The following SOX6 variants were observed in gnomAD, a reference collection of about 807,000 sequenced individuals.
The protein encoded by SOX6 is SRY-box transcription factor 6.
A neutral mutation model predicts 97.8 loss-of-function variants in SOX6; 11 were observed. The observed-to-expected ratio is 0.11, with a 90% CI of 0.07 to 0.19. The LOEUF (loss-of-function observed/expected upper bound fraction) is 0.19, where lower values mean the gene tolerates loss of function less well. Among genes scored for constraint, SOX6 ranks in the 10% least tolerant of loss-of-function variants. The pLI is 1.00. For missense variants in SOX6, 810 were observed against 1,039.5 expected, an observed-to-expected ratio of 0.78 and a Z score of 3.04; for synonymous variants, 360 against 371.4, an observed-to-expected ratio of 0.97 and a Z score of 0.35.
In SOX6 at chr11:16,143,829, C is replaced by A. The variant is rs532857416; in HGVS notation, c.778-31906G>T. The stretch of plus-strand genomic sequence containing the variant: ...ATCCTAAATACATATGCACCCAATA[C>A]AGGAGCACCCAGATTCATAAAGCAA... On this transcript the variant is annotated intron_variant, in intron 6 of 15. Coordinates refer to ENST00000683767, the MANE Select transcript of SOX6 (RefSeq NM_001367873.1). 1.2e-4 allele frequency among the ~76,000 whole-genome samples: 18 copies of A among 152,316 alleles called. No individual in the cohort carries two copies. The East Asian group carries it at 3.5e-3, about 29-fold the overall frequency.
At chr11:16,674,733 C>G (rs886937182) in intron 3 of SOX6, among the ~76,000 whole-genome samples, 1 of 152,118 alleles carries the variant, frequency 6.6e-6, no homozygotes, top group Admixed American at 6.6e-5. Flanking sequence ...GGCAGATCAC[C>G]TGAGGCCAGG....
At chr11:16,060,588 A>C (rs1316463190) in intron 9 of SOX6, among the ~76,000 whole-genome samples, 1 of 151,948 alleles carries the variant, frequency 6.6e-6, no homozygotes, top group African/African-American at 2.4e-5. Context: ...ATATCATTCT[A>C]TTCAGATTGA....
chr11:16,343,059 G>A (rs1325920959), intron 1 of SOX6, among the ~76,000 whole-genome samples: 1 of 151,490 alleles, frequency 6.6e-6, no homozygotes, highest in Non-Finnish European at 1.5e-5. Context: ...ATAACAAATG[G>A]ACAAACATAT....
intron 1 of SOX6, among the ~76,000 whole-genome samples, chr11:16,460,463 T>C (rs1419424151): frequency 6.6e-6 from 1 of 152,104 alleles, no homozygotes; most frequent in Non-Finnish European, 1.5e-5. Flanking sequence ...TTAGTATGAA[T>C]GATAAGGTAA....
At chr11:16,188,435 A>G (rs558853927) in intron 4 of SOX6, among the ~76,000 whole-genome samples, 37 of 152,262 alleles carry the variant, frequency 2.4e-4, no homozygotes, top group African/African-American at 8.4e-4. Flanking sequence ...ATGGGTTTTT[A>G]CTTCAGCAAT....
intron 4 of SOX6, among the ~76,000 whole-genome samples, chr11:16,525,807 C>T (rs1044236475): frequency 1.6e-4 from 24 of 152,154 alleles, no homozygotes; most frequent in Non-Finnish European, 3.2e-4. Context: ...ACAACCCCAT[C>T]AACAAGTGGG....
intron 4 of SOX6, among the ~76,000 whole-genome samples, chr11:16,519,449 A>G (rs1234796213): frequency 1.3e-5 from 2 of 152,158 alleles, no homozygotes; most frequent in African/African-American, 4.8e-5. Flanking sequence ...AACATGCAGT[A>G]TTCCTGTTTC....
chr11:16,418,110 A>T (rs1404480479), intron 1 of SOX6, among the ~76,000 whole-genome samples: 1 of 152,192 alleles, frequency 6.6e-6, no homozygotes, highest in Admixed American at 6.5e-5. Flanking sequence ...ACAGACATTT[A>T]AAAATGTGTT....
chr11:16,132,248 G>A lies in SOX6; in HGVS notation c.778-20325C>T, dbSNP rs536847326. Among the ~76,000 whole-genome samples the A allele has an allele frequency of 1.9e-4, 23 of 121,338 alleles. 1 individual carries two copies. Among genetic ancestry groups the A allele is most frequent in the East Asian group, 1.8e-3 (6 of 3,340 alleles). 79.6% of individuals were successfully genotyped at this position (121,338 alleles called of 152,430 possible). On this transcript the variant is annotated intron_variant, in intron 6 of 15. Coordinates refer to ENST00000683767, the MANE Select transcript of SOX6 (RefSeq NM_001367873.1). The stretch of plus-strand genomic sequence containing the variant: ...CTCAAAAAAAAAGAAAGAAAGAAAG[G>A]AAGGAAGAAAGAAAGAAAGAAGGAA...
intron 1 of SOX6, chr11:16,382,257 T>G (rs1223200186): frequency 6.6e-6 from 1 of 151,976 alleles, no homozygotes; most frequent in Non-Finnish European, 1.5e-5. Flanking sequence ...TCTGTACACA[T>G]AAAGAACAGC....
chr11:16,521,959 T>G (rs1267864433), intron 4 of SOX6, among the ~76,000 whole-genome samples: 5 of 152,108 alleles, frequency 3.3e-5, no homozygotes, highest in Admixed American at 1.3e-4. Context: ...GAACAAAGCC[T>G]CCAAGAAATA....
intron 6 of SOX6, 42 bp from the exon 7 acceptor site, chr11:16,111,965 T>C (rs781626098): frequency 3.7e-6 from 6 of 1,610,628 alleles, no homozygotes; most frequent in Middle Eastern, 2.2e-4. Flanking sequence ...AGGGAGCAAA[T>C]GTATGCCAAG....
At chr11:16,011,171 A>T (rs532903605) in intron 13 of SOX6, among the ~76,000 whole-genome samples, 5 of 152,162 alleles carry the variant, frequency 3.3e-5, no homozygotes, top group Non-Finnish European at 7.4e-5. Flanking sequence ...ATGCCATACG[A>T]AAAGTCCATA....
chr11:16,197,654 A>G (rs1268146879), intron 4 of SOX6, among the ~76,000 whole-genome samples: 1 of 152,204 alleles, frequency 6.6e-6, no homozygotes, highest in Non-Finnish European at 1.5e-5. Context: ...TGGGTAAAAT[A>G]GGTGCTGCCA....
At chr11:16,151,213 C>T (rs16932625) in intron 6 of SOX6, among the ~76,000 whole-genome samples, 12,737 of 151,918 alleles carry the variant, frequency 0.084, 1,122 homozygotes, top group East Asian at 0.37. Context: ...TGCAAGCAAA[C>T]GATTTTGAGA....
intron 3 of SOX6, among the ~76,000 whole-genome samples, chr11:16,643,869 A>G (rs1378791491): frequency 6.7e-6 from 1 of 149,934 alleles, no homozygotes; most frequent in Non-Finnish European, 1.5e-5. Flanking sequence ...GGGTGAGGCA[A>G]TGCCTTGCCC....
Position 16,150,143 on chromosome 11 carries a change from G to A in SOX6, c.777+33743C>T, listed in dbSNP as rs1022110611. ...CAAGTAGTGTCAAAATCAGTGTGTGGATGCTGTCAGAGACATAAAATAACA... is the reference window on the plus strand; with the variant it reads ...CAAGTAGTGTCAAAATCAGTGTGTGAATGCTGTCAGAGACATAAAATAACA... On this transcript the variant is annotated intron_variant, in intron 6 of 15. Coordinates refer to ENST00000683767, the MANE Select transcript of SOX6 (RefSeq NM_001367873.1). Among the ~76,000 whole-genome samples, 3 of 152,134 alleles carry A rather than the reference G, an allele frequency of 2.0e-5. No homozygotes were observed. In the South Asian group the frequency reaches 6.2e-4, roughly 31 times the overall value.
chr11:16,461,664 G>C (rs1995466), intron 1 of SOX6, among the ~76,000 whole-genome samples: 149,697 of 152,216 alleles, frequency 0.98, 73,664 homozygotes, highest in East Asian at 1. Flanking sequence ...CAGAGAACAT[G>C]AAAAAGTCAT....
chr11:16,382,891 C>T (rs1857867713), intron 1 of SOX6, among the ~76,000 whole-genome samples: 1 of 151,600 alleles, frequency 6.6e-6, no homozygotes, highest in African/African-American at 2.4e-5. Context: ...CTCTTAACCG[C>T]AACTTAATCT....
Sources: allele counts gnomAD v4.1 joint callset (sites outside exome capture counted in the v4.1 genomes callset), GRCh38; gene constraint gnomAD v4.1.1; transcripts MANE v1.5; gene names NCBI Gene and HGNC (gene_info 2026-07-23, HGNC 2026-07-21).